Variants in SREK1IP1 observed in about 807,000 individuals in gnomAD.
SREK1IP1 encodes the protein SREK1 interacting protein 1.
In SREK1IP1, 12 loss-of-function variants were observed where a neutral mutation model predicts 22.8. That is an observed-to-expected ratio of 0.53 (90% confidence interval 0.34 to 0.85). SREK1IP1 has a LOEUF of 0.85. Among genes scored for constraint, SREK1IP1 ranks in the 40% least tolerant of loss-of-function variants. The probability of loss-of-function intolerance (pLI) is 0.02; values close to 1 mark genes in which losing one functional copy is unlikely to be tolerated. For synonymous variants in SREK1IP1, 53 were observed against 52.7 expected (o/e 1.01, Z -0.02); for missense variants, 147 against 171.8 (o/e 0.86, Z 0.81).
intron 1 of SREK1IP1, among the ~76,000 whole-genome samples, chr5:64,758,134 C>T (rs962600656): frequency 2.0e-5 from 3 of 151,804 alleles, no homozygotes; most frequent in African/African-American, 7.3e-5. Context: ...CCTTGGCCTC[C>T]CAAAGTGCTG....
At chr5:64,742,198 T>C in intron 2 of SREK1IP1, among the ~76,000 whole-genome samples, 1 of 152,288 alleles carries the variant, frequency 6.6e-6, no homozygotes, top group Non-Finnish European at 1.5e-5. Context: ...TTCTACTGTA[T>C]GAAAATTATA....
chr5:64,718,170 A>G lies in SREK1IP1; in HGVS notation c.*6214T>C, dbSNP rs1406546242. The G allele has an allele frequency of 5.1e-6, 3 of 584,968 alleles. No homozygotes were observed. The highest frequency in any genetic ancestry group is 8.2e-6 in the Non-Finnish European group (3 of 366,418). The allele number at this position is 584,968 out of a possible 1,614,324, so 36.2% of individuals were successfully genotyped here. A position where few individuals can be genotyped will look rare whatever the true frequency, so the allele number is the denominator to read the frequency against. On this transcript the variant is annotated 3_prime_UTR_variant, in exon 5 of 5. Coordinates refer to ENST00000513458, the MANE Select transcript of SREK1IP1 (RefSeq NM_173829.4). ...GCATTTTTGATCATTCAGTTACTTTATTAAACGCACATTAAGGTTTTATTG... is the reference window on the plus strand; with the variant it reads ...GCATTTTTGATCATTCAGTTACTTTGTTAAACGCACATTAAGGTTTTATTG...
Position 64,767,822 on chromosome 5 carries a change from G to A in SREK1IP1, c.13+683C>T, listed in dbSNP as rs148251758. 2.3e-3 allele frequency among the ~76,000 whole-genome samples: 354 copies of A among 152,292 alleles called. 1 individual carries two copies. Among genetic ancestry groups the A allele is most frequent in the African/African-American group, 7.4e-3 (309 of 41,558 alleles). ...TCTGCAGTGGCAAAGCTGGTTTGAG[G>A]AGATGCTTTCCGCTACTAGAACTTC... On this transcript the variant is annotated intron_variant, in intron 1 of 4. Transcript: ENST00000513458.
intron 1 of SREK1IP1, 30 bp from the exon 2 acceptor site, chr5:64,754,392 A>G (rs1580554784): frequency 6.2e-7 from 1 of 1,604,780 alleles, no homozygotes; most frequent in East Asian, 2.2e-5. Context: ...AATTTTAGGA[A>G]GTAAATAAAT....
intron 4 of SREK1IP1, chr5:64,727,553 A>ATATATATATTTTTTT: frequency 8.3e-5 from 7 of 84,680 alleles, no homozygotes; most frequent in African/African-American, 3.3e-4. Context: ...ATATATATAT[A>ATATATATATTTTTTT]TTTTTTTTTT....
At chr5:64,740,395 C>G (rs1742533142) in intron 3 of SREK1IP1, among the ~76,000 whole-genome samples, 1 of 152,072 alleles carries the variant, frequency 6.6e-6, no homozygotes, top group Non-Finnish European at 1.5e-5. Flanking sequence ...TGGGGCATAG[C>G]TCCCTGGAAA....
chr5:64,725,634 C>T (rs1014601274), intron 4 of SREK1IP1, among the ~76,000 whole-genome samples: 11 of 152,040 alleles, frequency 7.2e-5, no homozygotes, highest in Admixed American at 2.6e-4. Context: ...GTTCCTTTTT[C>T]CTCCTTGTTT....
intron 1 of SREK1IP1, chr5:64,765,102 G>T (rs1038190364): frequency 2.6e-5 from 4 of 152,224 alleles, no homozygotes; most frequent in African/African-American, 9.6e-5. Flanking sequence ...TGACATGAAT[G>T]TTGGAGGTAA....
At chr5:64,741,612 A>G (rs1742552113) in intron 2 of SREK1IP1, among the ~76,000 whole-genome samples, 1 of 152,118 alleles carries the variant, frequency 6.6e-6, no homozygotes, top group Non-Finnish European at 1.5e-5. Flanking sequence ...AAATGTACTC[A>G]TGCAATTATA....
In SREK1IP1 at chr5:64,768,576, C is replaced by G; in HGVS notation, c.-59G>C. 6.2e-7 allele frequency: 1 copy of G among 1,613,330 alleles called. No individual in the cohort carries two copies. The highest frequency in any genetic ancestry group is 2.2e-5 in the East Asian group (1 of 44,862). The stretch of plus-strand genomic sequence containing the variant: ...CTTTCGAAAAGGCGCTTGCTTCCCG[C>G]CAGCTGTGAGAACAAGGCACAGTCA... On this transcript the variant is annotated 5_prime_UTR_variant, in exon 1 of 5. Transcript: ENST00000513458.
chr5:64,748,525 A>G (rs1742683276), intron 2 of SREK1IP1, among the ~76,000 whole-genome samples: 1 of 152,230 alleles, frequency 6.6e-6, no homozygotes, highest in Admixed American at 6.5e-5. Flanking sequence ...AGCAAATGAA[A>G]AGGAGCATGG....
At chr5:64,765,319 G>A (rs926967887) in intron 1 of SREK1IP1, among the ~76,000 whole-genome samples, 4 of 152,190 alleles carry the variant, frequency 2.6e-5, no homozygotes, top group African/African-American at 9.6e-5. Context: ...AAACAGACAA[G>A]GCTGATTTTT....
At chr5:64,762,226 T>G (rs1742963425) in intron 1 of SREK1IP1, among the ~76,000 whole-genome samples, 1 of 152,214 alleles carries the variant, frequency 6.6e-6, no homozygotes, top group African/African-American at 2.4e-5. Flanking sequence ...CGCTTAAATT[T>G]AAACATATAC....
chr5:64,734,347 G>A (rs920088831), intron 3 of SREK1IP1, among the ~76,000 whole-genome samples: 2 of 151,956 alleles, frequency 1.3e-5, no homozygotes, highest in Non-Finnish European at 2.9e-5. Context: ...CCTTTTGAAA[G>A]TGTTTTGGCT....
chr5:64,753,724 A>G (rs149990569), intron 2 of SREK1IP1, among the ~76,000 whole-genome samples: 2 of 152,356 alleles, frequency 1.3e-5, no homozygotes, highest in East Asian at 1.9e-4. Context: ...TGTTGTTGCT[A>G]TAGCTGTTAC....
At chr5:64,752,570 T>C (rs1486525279) in intron 2 of SREK1IP1, among the ~76,000 whole-genome samples, 1 of 152,196 alleles carries the variant, frequency 6.6e-6, no homozygotes, top group East Asian at 1.9e-4. Flanking sequence ...TATTCACTAT[T>C]GAAATATACT....
In SREK1IP1 at chr5:64,724,273, TG is replaced by T; in HGVS notation, c.*110del. On this transcript the variant is annotated 3_prime_UTR_variant, in exon 5 of 5. Transcript: ENST00000513458. ...GTCCCAAATACGAAAAATGTCTATA[TG>T]GAAAAGGCTGTGATTTATTGCAAAG... is the stretch of plus-strand genomic sequence containing the variant. The T allele has an allele frequency of 1.1e-6, 1 of 943,682 alleles. No homozygotes were observed. The highest frequency in any genetic ancestry group is 1.6e-6 in the Non-Finnish European group (1 of 645,116). 58.5% of individuals were successfully genotyped at this position (943,682 alleles called of 1,614,324 possible). A position where few individuals can be genotyped will look rare whatever the true frequency, so the allele number is the denominator to read the frequency against.
intron 2 of SREK1IP1, among the ~76,000 whole-genome samples, chr5:64,750,907 A>T (rs1561389630): frequency 6.6e-6 from 1 of 152,150 alleles, no homozygotes. Flanking sequence ...CTTAAAAAAG[A>T]AAAAAGAAAA....
At chr5:64,724,701 G>A (rs1742234597) in intron 4 of SREK1IP1, 128 bp from the exon 5 acceptor site, 2 of 719,778 alleles carry the variant, frequency 2.8e-6, no homozygotes, top group Non-Finnish European at 4.2e-6. Flanking sequence ...CTTAAAAAAT[G>A]CTTCATATAT....
Sources: allele counts gnomAD v4.1 joint callset (sites outside exome capture counted in the v4.1 genomes callset), GRCh38; gene constraint gnomAD v4.1.1; transcripts MANE v1.5; gene names NCBI Gene and HGNC (gene_info 2026-07-23, HGNC 2026-07-21).